PWWP2A: variants seen among roughly 807,000 people sequenced by gnomAD.
PWWP2A encodes PWWP domain containing 2A.
PWWP2A carries 18 observed loss-of-function variants against 48.5 expected under a neutral mutation model. The ratio of observed to expected loss-of-function variants is 0.37; its 90% CI spans 0.26 to 0.55. The LOEUF (loss-of-function observed/expected upper bound fraction) is 0.55, where lower values mean the gene tolerates loss of function less well. PWWP2A is among the 20% of genes least tolerant of loss of function. The probability of loss-of-function intolerance (pLI) is 0.81; values close to 1 mark genes in which losing one functional copy is unlikely to be tolerated. For missense variants in PWWP2A, 867 were observed against 976.4 expected (o/e 0.89, Z 1.49); for synonymous variants, 396 against 387.7 (o/e 1.02, Z -0.25).
At position 160,092,513 on chromosome 5, in the gene PWWP2A, A is replaced by T; in HGVS notation, c.2137T>A (p.Leu713Ile). 1.3e-6 allele frequency: 2 copies of T among 1,551,600 alleles called. No homozygotes were observed. Among genetic ancestry groups the T allele is most frequent in the Non-Finnish European group, 1.7e-6 (2 of 1,146,968 alleles). The change falls in exon 2 of 2, where the codon TTA (leucine) becomes ATA (isoleucine). Residue 713 changes from leucine (L) to isoleucine (I), a missense_variant. Physicochemically the swap from Leu to Ile is conservative, Grantham distance 5. Transcript: ENST00000307063. Reference sequence around the variant, plus strand: ...TTAAAGCGTGACTGGAAGTTTTCTAAAAAGGGGGAGAGTTGTGAAAGAGCA... The same window carrying T: ...TTAAAGCGTGACTGGAAGTTTTCTATAAAGGGGGAGAGTTGTGAAAGAGCA... ...FLALSQLSPF[L>I]ENFQSRFNKK...
chr5:160,086,453 G>A (rs1387898147), downstream of PWWP2A, among the ~76,000 whole-genome samples: 1 of 152,108 alleles, frequency 6.6e-6, no homozygotes, highest in Non-Finnish European at 1.5e-5. Context: ...GGAGGTCAAG[G>A]CTGCAGTGAG....
At chr5:160,117,294 TATTA>T (rs1343860808) in intron 1 of PWWP2A, among the ~76,000 whole-genome samples, 1 of 152,066 alleles carries the variant, frequency 6.6e-6, no homozygotes, top group Non-Finnish European at 1.5e-5. Context: ...ACCCTGTCTC[TATTA>T]AATAAGTAAA....
intron 5 of PWWP2A, among the ~76,000 whole-genome samples, chr5:160,063,124 A>G (rs979501767): frequency 3.9e-5 from 6 of 152,190 alleles, no homozygotes; most frequent in Non-Finnish European, 8.8e-5. Context: ...TTATCCAAAG[A>G]TGGGTTGGCC....
At chr5:160,113,783 C>G (rs886298777) in intron 1 of PWWP2A, among the ~76,000 whole-genome samples, 1 of 152,212 alleles carries the variant, frequency 6.6e-6, no homozygotes, top group Non-Finnish European at 1.5e-5. Flanking sequence ...TCAAGAGAAG[C>G]ACTAACTTTC....
At chr5:160,045,515 TACA>T in the PWWP2A span, among the ~76,000 whole-genome samples, 971 of 37,380 alleles carry the variant, frequency 0.026, 24 homozygotes, top group East Asian at 0.058. Flanking sequence ...CACACACACA[TACA>T]CACTCTCTCT....
In PWWP2A at chr5:160,078,105, C is replaced by T; in HGVS notation, c.*50G>A. ...TCCAATTTCATTCAGTCCTGATGCTCTGGTGTTCTCTGTGTCATTGTGGTA... is the reference window on the plus strand; with the variant it reads ...TCCAATTTCATTCAGTCCTGATGCTTTGGTGTTCTCTGTGTCATTGTGGTA... On this transcript the variant is annotated 3_prime_UTR_variant, in exon 4 of 4. Transcript: ENST00000456329. This position sits in a 1 kb window ranked among gnomAD's most constrained non-coding sequence, Gnocchi z 4.2. 6.7e-7 allele frequency: 1 copy of T among 1,488,096 alleles called. No individual in the cohort carries two copies. The highest frequency in any genetic ancestry group is 1.2e-5 in the South Asian group (1 of 82,844). 92.2% of individuals were successfully genotyped at this position (1,488,096 alleles called of 1,614,324 possible). A position where few individuals can be genotyped will look rare whatever the true frequency, so the allele number is the denominator to read the frequency against.
the PWWP2A span, among the ~76,000 whole-genome samples, chr5:160,053,149 A>T: frequency 6.6e-6 from 1 of 150,812 alleles, no homozygotes; most frequent in South Asian, 2.1e-4. Context: ...ATGTTCTGTG[A>T]GATTCCCTAG....
intron 2 of PWWP2A, among the ~76,000 whole-genome samples, chr5:160,084,272 G>A (rs1754455745): frequency 6.6e-6 from 1 of 152,094 alleles, no homozygotes; most frequent in South Asian, 2.1e-4. Context: ...GGAGTAACCT[G>A]CCTAAGATCA....
the PWWP2A span, among the ~76,000 whole-genome samples, chr5:160,044,899 C>G: frequency 1.3e-5 from 2 of 152,122 alleles, no homozygotes; most frequent in East Asian, 3.8e-4. Context: ...ATTTGGTGCC[C>G]TCTCTACTGG....
downstream of PWWP2A, among the ~76,000 whole-genome samples, chr5:160,086,529 T>C (rs1031245916): frequency 6.6e-6 from 1 of 151,994 alleles, no homozygotes; most frequent in Non-Finnish European, 1.5e-5. Flanking sequence ...TAAATAAATA[T>C]ATATATATAT....
chr5:160,095,438 A>C (rs1421754956), intron 1 of PWWP2A, among the ~76,000 whole-genome samples: 3 of 152,164 alleles, frequency 2.0e-5, no homozygotes, highest in Non-Finnish European at 4.4e-5. Flanking sequence ...ATAAAATCAA[A>C]TCACACTACC....
chr5:160,109,824 T>TATATATATATATAAAATAATATAATA lies in PWWP2A; in HGVS notation c.584+8980_584+8981insTATTATATTATTTTATATATATATAT, dbSNP rs1757371153. ...ATATATATATAAAATAATATAATAA[T>TATATATATATATAAAATAATATAATA]ATATATATATATATATATCCAGAAT... is the stretch of plus-strand genomic sequence containing the variant. On this transcript the variant is annotated intron_variant, in intron 1 of 1. Transcript: ENST00000307063. Among the ~76,000 whole-genome samples, 11 of 91,534 alleles carry TATATATATATATAAAATAATATAATA rather than the reference T, an allele frequency of 1.2e-4. No homozygotes were observed. In the South Asian group the frequency reaches 3.4e-3, roughly 29 times the overall value. The allele number at this position is 91,534 out of a possible 152,430, so 60.0% of individuals were successfully genotyped here.
chr5:160,048,126 CTTT>C, the PWWP2A span, among the ~76,000 whole-genome samples: 253 of 35,498 alleles, frequency 7.1e-3, no homozygotes, highest in Non-Finnish European at 8.0e-3. Context: ...CAAGACATTG[CTTT>C]TTTTTTTTTT....
At chr5:160,052,132 G>A in the PWWP2A span, among the ~76,000 whole-genome samples, 9 of 152,214 alleles carry the variant, frequency 5.9e-5, no homozygotes, top group South Asian at 1.0e-3. Context: ...GGCTGCTTCC[G>A]ATTCAGGATA....
intron 2 of PWWP2A, among the ~76,000 whole-genome samples, chr5:160,070,340 G>A (rs576017024): frequency 6.6e-6 from 1 of 152,198 alleles, no homozygotes; most frequent in African/African-American, 2.4e-5. Flanking sequence ...AGGCATGGTG[G>A]CACATGCTTT....
At chr5:160,097,709 G>C (rs112612008) in intron 1 of PWWP2A, among the ~76,000 whole-genome samples, 1,591 of 147,092 alleles carry the variant, frequency 0.011, 50 homozygotes, top group African/African-American at 0.038. Context: ...TTTTTTTTGG[G>C]GGGGGGGGCG....
chr5:160,074,993 T>C (rs1753833993), downstream of PWWP2A, among the ~76,000 whole-genome samples: 1 of 152,148 alleles, frequency 6.6e-6, no homozygotes, highest in Non-Finnish European at 1.5e-5. Context: ...ACTTACGCTT[T>C]CTTATGTGAA....
Position 160,078,069 on chromosome 5 carries a change from G to T in PWWP2A, c.*86C>A. ...GCCTTAACATTTACTTCTTAGTGCA[G>T]CTTTAAAAACTCCAATTTCATTCAG... On this transcript the variant is annotated 3_prime_UTR_variant, in exon 4 of 4. Coordinates refer to the PWWP2A transcript ENST00000456329. This position sits in a 1 kb window ranked among gnomAD's most constrained non-coding sequence, Gnocchi z 4.2. 8.4e-7 allele frequency: 1 copy of T among 1,190,610 alleles called. No homozygotes were observed. The highest frequency in any genetic ancestry group is 1.2e-6 in the Non-Finnish European group (1 of 820,766). 73.8% of individuals were successfully genotyped at this position (1,190,610 alleles called of 1,614,324 possible).
chr5:160,107,004 T>G (rs1756972416), intron 1 of PWWP2A, among the ~76,000 whole-genome samples: 1 of 151,994 alleles, frequency 6.6e-6, no homozygotes, highest in South Asian at 2.1e-4. Flanking sequence ...TTTTGTATTT[T>G]TAGTAGATAC....
Sources: gnomAD v4.1 joint callset for allele counts (sites outside exome capture counted in the v4.1 genomes callset) on GRCh38, gnomAD v4.1.1 for gene constraint, Gnocchi (gnomAD v3.1) non-coding constraint, MANE v1.5 for transcripts, NCBI Gene and HGNC (gene_info 2026-07-23, HGNC 2026-07-21) for gene names.